The following SUGCT variants were observed in gnomAD, a reference collection of about 807,000 sequenced individuals.
SUGCT encodes the protein succinyl-CoA:glutarate-CoA transferase.
In SUGCT, 41 loss-of-function variants were observed where a neutral mutation model predicts 55.0. The observed-to-expected ratio is 0.74, with a 90% CI of 0.58 to 0.97. The LOEUF is 0.97. Ranked by LOEUF, SUGCT falls within the 50% of genes least tolerant of loss-of-function variation. SUGCT has a pLI of 0.00. For missense variants in SUGCT, 568 were observed against 547.8 expected (o/e 1.04, Z -0.37); for synonymous variants, 187 against 200.4 (o/e 0.93, Z 0.56).
chr7:40,168,387 G>C (rs999032390), intron 1 of SUGCT, among the ~76,000 whole-genome samples: 1 of 152,182 alleles, frequency 6.6e-6, no homozygotes, highest in African/African-American at 2.4e-5. Flanking sequence ...TAGCAGGCTG[G>C]TCCAGGGGTC....
intron 12 of SUGCT, among the ~76,000 whole-genome samples, chr7:40,619,154 A>G (rs570338714): frequency 2.0e-5 from 3 of 152,340 alleles, no homozygotes; most frequent in Middle Eastern, 3.4e-3. Flanking sequence ...ACAAAGGCCC[A>G]TGGGCATGTC....
chr7:40,413,607 T>A (rs1423030179), intron 9 of SUGCT, among the ~76,000 whole-genome samples: 6 of 152,218 alleles, frequency 3.9e-5, no homozygotes, highest in South Asian at 2.1e-4. Flanking sequence ...AACATCTGTA[T>A]GTGAGAAAGC....
the SUGCT span, among the ~76,000 whole-genome samples, chr7:40,979,000 C>A: frequency 6.6e-6 from 1 of 152,112 alleles, no homozygotes; most frequent in African/African-American, 2.4e-5. Context: ...CCTTTATATG[C>A]CTTGCTCAGC....
chr7:40,521,325 T>C (rs1793515899), intron 12 of SUGCT, among the ~76,000 whole-genome samples: 1 of 152,190 alleles, frequency 6.6e-6, no homozygotes, highest in Non-Finnish European at 1.5e-5. Context: ...TCTTTCTTGC[T>C]CCTGCTCCAG....
chr7:40,274,073 C>CTTT (rs386409972), intron 7 of SUGCT, among the ~76,000 whole-genome samples: 15,706 of 67,782 alleles, frequency 0.23, 2,392 homozygotes, highest in East Asian at 0.28. Flanking sequence ...TTTTTACCTT[C>CTTT]TTTTTTTTTT....
the SUGCT span, among the ~76,000 whole-genome samples, chr7:40,876,896 A>G: frequency 6.6e-6 from 1 of 152,164 alleles, no homozygotes; most frequent in African/African-American, 2.4e-5. Flanking sequence ...GCCTGGAGCC[A>G]TTCCAGGACT....
At chr7:40,727,893 A>G (rs1246562736) in intron 12 of SUGCT, among the ~76,000 whole-genome samples, 1 of 152,196 alleles carries the variant, frequency 6.6e-6, no homozygotes, top group South Asian at 2.1e-4. Flanking sequence ...ATGTTGTTAA[A>G]CAACTTTGTG....
chr7:41,005,034 C>A, the SUGCT span, among the ~76,000 whole-genome samples: 1 of 152,132 alleles, frequency 6.6e-6, no homozygotes, highest in Admixed American at 6.5e-5. Context: ...CAAGCAACTG[C>A]GTACTTCCTA....
At chr7:40,152,292 A>G (rs913923693) in intron 1 of SUGCT, 1 of 152,248 alleles carries the variant, frequency 6.6e-6, no homozygotes, top group African/African-American at 2.4e-5. Flanking sequence ...AGTTCCACCC[A>G]AAGATAGTTC....
At chr7:40,203,889 G>A (rs780307184) in intron 6 of SUGCT, among the ~76,000 whole-genome samples, 1 of 151,912 alleles carries the variant, frequency 6.6e-6, no homozygotes, top group Non-Finnish European at 1.5e-5. Flanking sequence ...AACTTTTTCT[G>A]TATATATAAT....
At chr7:40,885,602 T>A in the SUGCT span, among the ~76,000 whole-genome samples, 1 of 152,132 alleles carries the variant, frequency 6.6e-6, no homozygotes, top group African/African-American at 2.4e-5. Flanking sequence ...AAAGGTACCA[T>A]TTCCTTTCAC....
At chr7:40,520,187 A>C (rs929879606) in intron 12 of SUGCT, among the ~76,000 whole-genome samples, 4 of 152,146 alleles carry the variant, frequency 2.6e-5, no homozygotes, top group Non-Finnish European at 2.9e-5. Context: ...AGACAAACGG[A>C]ATAAAAACAA....
intron 12 of SUGCT, among the ~76,000 whole-genome samples, chr7:40,542,132 A>G (rs1026929010): frequency 1.3e-5 from 2 of 152,196 alleles, no homozygotes; most frequent in Non-Finnish European, 2.9e-5. Context: ...AGTAAAGATA[A>G]TGAACAGTTA....
chr7:40,636,998 G>A (rs1415697984), intron 12 of SUGCT, among the ~76,000 whole-genome samples: 1 of 152,066 alleles, frequency 6.6e-6, no homozygotes, highest in Non-Finnish European at 1.5e-5. Context: ...TGTGCTCCTG[G>A]GGCTAAAAGA....
chr7:40,448,142 C>T (rs1222297434), intron 9 of SUGCT, among the ~76,000 whole-genome samples: 7 of 151,758 alleles, frequency 4.6e-5, no homozygotes, highest in African/African-American at 1.7e-4. Context: ...TAAAGAGTGC[C>T]CAAAAGATTA....
chr7:40,624,213 C>G (rs1562907742), intron 12 of SUGCT, among the ~76,000 whole-genome samples: 1 of 152,232 alleles, frequency 6.6e-6, no homozygotes, highest in South Asian at 2.1e-4. Flanking sequence ...AGGCCTCCTC[C>G]CCCAGTATCT....
At chr7:40,486,073 G>A (rs1791326001) in intron 11 of SUGCT, among the ~76,000 whole-genome samples, 1 of 152,220 alleles carries the variant, frequency 6.6e-6, no homozygotes, top group Admixed American at 6.5e-5. Context: ...TTTTGGAAGA[G>A]TTTGAGAATA....
chr7:40,288,921 T>C (rs1432970763), intron 8 of SUGCT, among the ~76,000 whole-genome samples: 1 of 152,164 alleles, frequency 6.6e-6, no homozygotes. Flanking sequence ...ATGGCTAGAA[T>C]AGTCTTAGAA....
intron 9 of SUGCT, among the ~76,000 whole-genome samples, chr7:40,436,060 C>T (rs1426267516): frequency 6.6e-6 from 1 of 151,470 alleles, no homozygotes. Context: ...TCTCCTGCCT[C>T]AGCCACCTGA....
Sources: allele counts gnomAD v4.1 joint callset (sites outside exome capture counted in the v4.1 genomes callset), GRCh38; gene constraint gnomAD v4.1.1; transcripts MANE v1.5; gene names NCBI Gene and HGNC (gene_info 2026-07-23, HGNC 2026-07-21).